Variants in NUDT8 observed in about 807,000 individuals in gnomAD.
The protein encoded by NUDT8 is nudix hydrolase 8.
A neutral mutation model predicts 12.5 loss-of-function variants in NUDT8; 14 were observed. That is an observed-to-expected ratio of 1.12 (90% CI 0.74 to 1.75). The LOEUF (loss-of-function observed/expected upper bound fraction) is 1.75. NUDT8 is among the 40% of genes most tolerant of loss of function. The probability of loss-of-function intolerance (pLI) is 0.00; values close to 1 mark genes in which losing one functional copy is unlikely to be tolerated. For missense variants in NUDT8, 337 were observed against 318.5 expected (o/e 1.06, Z -0.44); for synonymous variants, 163 against 156.2 (o/e 1.04, Z -0.33).
chr11:67,628,957 C>T lies in NUDT8; in HGVS notation c.289G>A (p.Glu97Lys). 1.2e-6 allele frequency: 2 copies of T among 1,612,686 alleles called. No individual in the cohort carries two copies. The highest frequency in any genetic ancestry group is 1.7e-6 in the Non-Finnish European group (2 of 1,179,706). ...REELGLAVPE[E>K]HVWGLLRPVY... ...GGCCGCAGCAGGCCCCACACGTGCTCCTCGGGCACTGCCAGGCCCAGCTCC... is the reference window on the plus strand; with the variant it reads ...GGCCGCAGCAGGCCCCACACGTGCTTCTCGGGCACTGCCAGGCCCAGCTCC... Residue 97 changes from glutamate to lysine, a missense_variant, in exon 2 of 4, where the codon GAG becomes AAG. Physicochemically the swap from Glu to Lys is moderately conservative, Grantham distance 56. Coordinates refer to ENST00000376693, the MANE Select transcript of NUDT8 (RefSeq NM_001243750.2).
chr11:67,629,250 C>G (rs955846269), intron 1 of NUDT8, 199 bp from the exon 2 acceptor site: 1 of 572,612 alleles, frequency 1.7e-6, no homozygotes, highest in Non-Finnish European at 3.1e-6. Flanking sequence ...GAAGAGAGGC[C>G]CGGGACAGCG....
At chr11:67,629,336 A>G in intron 1 of NUDT8, 1 of 447,472 alleles carries the variant, frequency 2.2e-6, no homozygotes, top group Non-Finnish European at 4.0e-6. Context: ...TGGTGGCCCC[A>G]GCAACACTGA....
Position 67,629,747 on chromosome 11 carries a change from G to A in NUDT8, c.165C>T (p.Arg55=). The change falls in exon 1 of 4, where the codon CGC becomes CGT. Residue 55 remains arginine, a synonymous_variant. Transcript: ENST00000376693. Reference sequence around the variant, plus strand: ...CGTCGCCCTTGTGCCTCCCGGTCAGGCGGCTGGACCGCAGCGTGTACAGCA... The same window carrying A: ...CGTCGCCCTTGTGCCTCCCGGTCAGACGGCTGGACCGCAGCGTGTACAGCA... ...PALLYTLRSS[R]LTGRHKGDVS... The A allele has an allele frequency of 1.9e-6, 3 of 1,543,812 alleles. No homozygotes were observed. Among genetic ancestry groups the A allele is most frequent in the Non-Finnish European group, 2.6e-6 (3 of 1,151,384 alleles).
chr11:67,628,319 T>C lies in NUDT8; in HGVS notation c.405+4A>G. The C allele has an allele frequency of 6.2e-7, 1 of 1,613,910 alleles. No homozygotes were observed. On this transcript the variant is annotated splice_donor_region_variant and intron_variant, in intron 3 of 3. Transcript: ENST00000376693. ...GCCCAACCCCCTCATATCCCCCAGCTCACCTCCTCCGAGTTGGGCCTGAGG... is the reference window on the plus strand; with the variant it reads ...GCCCAACCCCCTCATATCCCCCAGCCCACCTCCTCCGAGTTGGGCCTGAGG...
rs768052611 is a variant in NUDT8, at chr11:67,628,329, C to T, written c.399G>A (p.Ser133=). ...CTCATATCCCCCAGCTCACCTCCTC[C>T]GAGTTGGGCCTGAGGCTCTGGGGAT... The part of the protein sequence containing the change: ...PLDPQSLRPN[S]EEVDEVFALP... The change falls in exon 3 of 4, where the codon TCG becomes TCA. Residue 133 remains serine, a synonymous_variant. Transcript: ENST00000376693. 7.4e-6 allele frequency: 12 copies of T among 1,613,818 alleles called. No individual in the cohort carries two copies. The highest frequency in any genetic ancestry group is 6.7e-5 in the East Asian group (3 of 44,894).
At chr11:67,628,788 G>T (rs1218262395) in intron 2 of NUDT8, 131 bp downstream of exon 2, 2 of 1,205,522 alleles carry the variant, frequency 1.7e-6, no homozygotes, top group Non-Finnish European at 2.3e-6. Flanking sequence ...TGACCAGGCA[G>T]GTTAGGGGCA....
rs374416272 is a variant in NUDT8, at chr11:67,628,164, G to A, written c.493C>T (p.Arg165Cys). The A allele has an allele frequency of 4.4e-6, 7 of 1,604,778 alleles. No homozygotes were observed. Among genetic ancestry groups the A allele is most frequent in the East Asian group, 2.2e-5 (1 of 44,888 alleles). ...YTHFCRGGHF[R>C]YTLPVFLHGP... ...TGCAGGAAGACGGGTAGTGTGTAGC[G>A]GAAGTGGCCACCCCGGCAGAAGTGG... is the stretch of plus-strand genomic sequence containing the variant. The change falls in exon 4 of 4, where the codon CGC (arginine) becomes TGC (cysteine). Residue 165 changes from arginine (R) to cysteine (C), a missense_variant. Physicochemically the swap from Arg to Cys is radical, Grantham distance 180 (BLOSUM62 -3). Coordinates refer to ENST00000376693, the MANE Select transcript of NUDT8 (RefSeq NM_001243750.2).
chr11:67,629,034 C>T lies in NUDT8; in HGVS notation c.212G>A (p.Cys71Tyr), dbSNP rs760839236. Residue 71 changes from cysteine (C) to tyrosine (Y), a missense_variant, in exon 2 of 4, where the codon TGC becomes TAC. Cys to Tyr is a radical substitution (Grantham distance 194). Coordinates refer to ENST00000376693, the MANE Select transcript of NUDT8 (RefSeq NM_001243750.2). The part of the protein sequence containing the change: ...KGDVSFPGGK[C>Y]DPADQDVVHT... ...CACCACATCTTGGTCAGCCGGGTCG[C>T]ACTTGCCGCCTGGGAAACTAAACAG... 1.9e-6 allele frequency: 3 copies of T among 1,611,724 alleles called. No homozygotes were observed. The highest frequency in any genetic ancestry group is 2.5e-6 in the Non-Finnish European group (3 of 1,179,040).
chr11:67,629,451 G>A, intron 1 of NUDT8: 2 of 402,796 alleles, frequency 5.0e-6, no homozygotes, highest in East Asian at 3.8e-5. Flanking sequence ...ACAGCTCAAA[G>A]GGGTGTCCCG....
Position 67,628,228 on chromosome 11 carries a change from C to A in NUDT8, c.429G>T (p.Pro143=). The A allele has an allele frequency of 1.2e-6, 2 of 1,612,764 alleles. No individual in the cohort carries two copies. Among genetic ancestry groups the A allele is most frequent in the East Asian group, 2.2e-5 (1 of 44,886 alleles). ...SEEVDEVFAL[P]LAHLLQTQNQ... is the part of the protein sequence containing the mutation. Reference sequence around the variant, plus strand: ...TCTGCGTCTGCAGCAGGTGGGCCAGCGGCAGTGCAAACACCTCATCTACCT... The same window carrying A: ...TCTGCGTCTGCAGCAGGTGGGCCAGAGGCAGTGCAAACACCTCATCTACCT... The change falls in exon 4 of 4, where the codon CCG becomes CCT. Residue 143 remains proline, a synonymous_variant. Transcript: ENST00000376693.
Position 67,629,013 on chromosome 11 carries a change from A to G in NUDT8, c.233T>C (p.Val78Ala), listed in dbSNP as rs775561116. 1 of 1,612,844 alleles carries G rather than the reference A, an allele frequency of 6.2e-7. No homozygotes were observed. The highest frequency in any genetic ancestry group is 8.5e-7 in the Non-Finnish European group (1 of 1,179,726). The change falls in exon 2 of 4, where the codon GTG becomes GCG. Residue 78 changes from valine to alanine, a missense_variant. Physicochemically the swap from Val to Ala is moderately conservative, Grantham distance 64 (BLOSUM62 0). Transcript: ENST00000376693. ...GGTTTCCCGCAGGGCCGTGTGCACC[A>G]CATCTTGGTCAGCCGGGTCGCACTT... is the stretch of plus-strand genomic sequence containing the variant. ...GGKCDPADQD[V>A]VHTALRETRE...
chr11:67,629,131 A>G (rs1004454966), intron 1 of NUDT8, 80 bp from the exon 2 acceptor site: 12 of 1,430,760 alleles, frequency 8.4e-6, no homozygotes, highest in Non-Finnish European at 1.1e-5. Flanking sequence ...GGGGGGGGCC[A>G]CTGGCCCACC....
In NUDT8 at chr11:67,629,831, CGCGCGGAGCCGGGCCGT is replaced by C; in HGVS notation, c.64_80del (p.Thr22AlafsTer48). On this transcript the variant is annotated frameshift_variant, in exon 1 of 4. Coordinates refer to ENST00000376693, the MANE Select transcript of NUDT8 (RefSeq NM_001243750.2). LOFTEE classifies it high-confidence loss of function. ...CGAGCACCGCGGCCGACGCGGGCCG[CGCGCGGAGCCGGGCCGT>C]GGCCCCTGCCAGCAGCCGGCGGCAG... The C allele has an allele frequency of 1.5e-6, 2 of 1,362,770 alleles. No individual in the cohort carries two copies. Among genetic ancestry groups the C allele is most frequent in the African/African-American group, 1.5e-5 (1 of 66,290 alleles). The allele number at this position is 1,362,770 out of a possible 1,614,324, so 84.4% of individuals were successfully genotyped here. A position where few individuals can be genotyped will look rare whatever the true frequency, so the allele number is the denominator to read the frequency against.
rs1461097804 is a variant in NUDT8, at chr11:67,629,777, C to T, written c.135G>A (p.Pro45=). 3 of 1,536,262 alleles carry T rather than the reference C, an allele frequency of 2.0e-6. No homozygotes were observed. The highest frequency in any genetic ancestry group is 5.4e-5 in the East Asian group (2 of 37,250). ...LVPLCSVRGV[P]ALLYTLRSSR... ...TGGACCGCAGCGTGTACAGCAGCGC[C>T]GGGACCCCACGCACTGAGCAGAGCG... Residue 45 remains proline, a synonymous_variant, in exon 1 of 4, where the codon CCG becomes CCA. Coordinates refer to ENST00000376693, the MANE Select transcript of NUDT8 (RefSeq NM_001243750.2).
At chr11:67,628,875 AGAGT>A in intron 2 of NUDT8, 40 bp downstream of exon 2, 1 of 1,576,884 alleles carries the variant, frequency 6.3e-7, no homozygotes, top group Non-Finnish European at 8.7e-7. Flanking sequence ...GGGCAGGCAC[AGAGT>A]GAGTGAATGG....
At position 67,628,917 on chromosome 11, in the gene NUDT8, AC is replaced by A. The variant is rs1855158203; in HGVS notation, c.327+1del. ...TGGGGTGGCCTCAGCCAAGTGGCTT[AC>A]CGGATCATACACAGGCCGCAGCAGG... On this transcript the variant is annotated splice_donor_variant, in intron 2 of 3. Coordinates refer to ENST00000376693, the MANE Select transcript of NUDT8 (RefSeq NM_001243750.2). LOFTEE classifies it high-confidence loss of function. 1.9e-6 allele frequency: 3 copies of A among 1,603,998 alleles called. No individual in the cohort carries two copies. The South Asian group carries it at 3.3e-5, about 18-fold the overall frequency.
Position 67,629,840 on chromosome 11 carries a change from C to T in NUDT8, c.72G>A (p.Arg24=), listed in dbSNP as rs758407794. 3 of 1,318,190 alleles carry T rather than the reference C, an allele frequency of 2.3e-6. No homozygotes were observed. Among genetic ancestry groups the T allele is most frequent in the Non-Finnish European group, 2.9e-6 (3 of 1,039,472 alleles). 81.7% of individuals were successfully genotyped at this position (1,318,190 alleles called of 1,614,324 possible). Residue 24 remains arginine, a synonymous_variant, in exon 1 of 4, where the codon CGG becomes CGA. Transcript: ENST00000376693. ...CRRLLAGATA[R]LRARPASAAV... ...CGGCCGACGCGGGCCGCGCGCGGAGCCGGGCCGTGGCCCCTGCCAGCAGCC... is the reference window on the plus strand; with the variant it reads ...CGGCCGACGCGGGCCGCGCGCGGAGTCGGGCCGTGGCCCCTGCCAGCAGCC...
chr11:67,629,154 GC>G, intron 1 of NUDT8, 103 bp from the exon 2 acceptor site: 2 of 1,269,986 alleles, frequency 1.6e-6, no homozygotes, highest in East Asian at 4.9e-5. Flanking sequence ...AGTGTCGCCT[GC>G]CTCTGCCCCT....
intron 1 of NUDT8, 68 bp downstream of exon 1, chr11:67,629,650 A>T: frequency 1.1e-6 from 1 of 940,626 alleles, no homozygotes; most frequent in Non-Finnish European, 1.5e-6. Flanking sequence ...GTGCCCTGCC[A>T]GAGGTCCCTG....
Sources: gnomAD v4.1 joint callset for allele counts on GRCh38, gnomAD v4.1.1 for gene constraint, MANE v1.5 for transcripts, NCBI Gene and HGNC (gene_info 2026-07-23, HGNC 2026-07-21) for gene names.